Variants in FAM171A1 observed in about 807,000 individuals in gnomAD.
FAM171A1 encodes family with sequence similarity 171 member A1.
FAM171A1 carries 23 observed loss-of-function variants against 74.9 expected under a neutral mutation model. That is an observed-to-expected ratio of 0.31 (90% CI 0.22 to 0.44). FAM171A1 has a LOEUF of 0.44. Ranked by LOEUF, FAM171A1 falls within the 20% of genes least tolerant of loss-of-function variation. The pLI, the probability that FAM171A1 is intolerant of heterozygous loss-of-function variation, is 1.00. For synonymous variants in FAM171A1, 527 were observed against 505.7 expected (o/e 1.04, Z -0.57); for missense variants, 1,162 against 1,159.2 (o/e 1.00, Z -0.03).
At chr10:15,244,132 T>A (rs996247482) in intron 5 of FAM171A1, among the ~76,000 whole-genome samples, 4 of 152,116 alleles carry the variant, frequency 2.6e-5, no homozygotes, top group Non-Finnish European at 2.9e-5. Context: ...GGTGGGTGGA[T>A]CACTTGAGCT....
intron 1 of FAM171A1, among the ~76,000 whole-genome samples, chr10:15,333,400 T>C (rs375851881): frequency 4.0e-4 from 61 of 152,258 alleles, no homozygotes; most frequent in African/African-American, 1.5e-3. Context: ...CCTGGGAGGC[T>C]AGGACAGGAG....
At chr10:15,245,342 C>T (rs1028052540) in intron 5 of FAM171A1, among the ~76,000 whole-genome samples, 1 of 152,210 alleles carries the variant, frequency 6.6e-6, no homozygotes, top group African/African-American at 2.4e-5. Context: ...GCTGGTATTA[C>T]AGGCATGAGC....
intron 4 of FAM171A1, among the ~76,000 whole-genome samples, chr10:15,252,374 T>C (rs868516780): frequency 3.3e-5 from 5 of 152,188 alleles, no homozygotes; most frequent in African/African-American, 1.2e-4. Context: ...CCACCTTCAC[T>C]GAACTCTGGT....
At chr10:15,245,032 G>A (rs1281214324) in intron 5 of FAM171A1, among the ~76,000 whole-genome samples, 1 of 151,836 alleles carries the variant, frequency 6.6e-6, no homozygotes, top group African/African-American at 2.4e-5. Flanking sequence ...GAGATAAACT[G>A]TTCAGCCAGT....
chr10:15,370,292 T>C (rs1027339191), intron 1 of FAM171A1, among the ~76,000 whole-genome samples: 3 of 151,254 alleles, frequency 2.0e-5, no homozygotes, highest in Non-Finnish European at 4.4e-5. Context: ...AGTTCAATTC[T>C]TTCTTCCCTT....
At chr10:15,269,750 G>A (rs1347088405) in intron 3 of FAM171A1, among the ~76,000 whole-genome samples, 2 of 152,148 alleles carry the variant, frequency 1.3e-5, no homozygotes. Context: ...GAGAGGAAAG[G>A]GATGGTGGCA....
chr10:15,367,068 G>A (rs561768976), intron 1 of FAM171A1, among the ~76,000 whole-genome samples: 81 of 152,092 alleles, frequency 5.3e-4, no homozygotes, highest in Non-Finnish European at 9.6e-4. Context: ...GCGTGGTGGC[G>A]GGCACCTGTA....
At chr10:15,296,598 C>T (rs1835163680) in intron 1 of FAM171A1, among the ~76,000 whole-genome samples, 1 of 152,200 alleles carries the variant, frequency 6.6e-6, no homozygotes, top group African/African-American at 2.4e-5. Flanking sequence ...GAGACGAATA[C>T]GCTGGGCACT....
At chr10:15,357,697 G>C (rs10906895) in intron 1 of FAM171A1, among the ~76,000 whole-genome samples, 49,749 of 152,106 alleles carry the variant, frequency 0.33, 10,130 homozygotes, top group East Asian at 0.67. Context: ...GGGCACTGAT[G>C]CCTGAGACAC....
intron 5 of FAM171A1, among the ~76,000 whole-genome samples, chr10:15,235,068 G>A (rs1439801327): frequency 2.0e-5 from 3 of 152,096 alleles, no homozygotes; most frequent in Non-Finnish European, 4.4e-5. Flanking sequence ...TCTGCACTTT[G>A]GGAGGTCCAG....
At chr10:15,368,463 C>T (rs891560339) in intron 1 of FAM171A1, among the ~76,000 whole-genome samples, 8 of 152,148 alleles carry the variant, frequency 5.3e-5, no homozygotes, top group African/African-American at 7.2e-5. Flanking sequence ...CCTGTTGGTG[C>T]ATAATATGTA....
intron 1 of FAM171A1, among the ~76,000 whole-genome samples, chr10:15,296,666 T>C (rs1360449704): frequency 6.6e-6 from 1 of 152,212 alleles, no homozygotes; most frequent in Non-Finnish European, 1.5e-5. Flanking sequence ...CACTCTTGAT[T>C]GTACCAAGAG....
intron 1 of FAM171A1, among the ~76,000 whole-genome samples, chr10:15,344,218 C>A (rs1281688069): frequency 6.6e-6 from 1 of 152,122 alleles, no homozygotes; most frequent in Non-Finnish European, 1.5e-5. Context: ...GGAGCTTCCA[C>A]CAAAGAGTAG....
chr10:15,299,010 T>A (rs1425219727), intron 1 of FAM171A1, among the ~76,000 whole-genome samples: 1 of 152,168 alleles, frequency 6.6e-6, no homozygotes, highest in Admixed American at 6.5e-5. Flanking sequence ...AACCTCTACC[T>A]CCCAGGTTCA....
intron 1 of FAM171A1, among the ~76,000 whole-genome samples, chr10:15,347,790 G>A (rs1027242414): frequency 6.7e-5 from 9 of 133,620 alleles, no homozygotes; most frequent in Non-Finnish European, 1.1e-4. Context: ...AGCCGAGATC[G>A]CACCACTGCA....
chr10:15,361,165 A>G (rs1413792257), intron 1 of FAM171A1, among the ~76,000 whole-genome samples: 1 of 152,238 alleles, frequency 6.6e-6, no homozygotes, highest in East Asian at 1.9e-4. Context: ...AATGTTACTT[A>G]TAATAAAATG....
At chr10:15,260,069 T>G (rs773424171) in intron 3 of FAM171A1, among the ~76,000 whole-genome samples, 14 of 152,140 alleles carry the variant, frequency 9.2e-5, no homozygotes, top group Non-Finnish European at 5.9e-5. Flanking sequence ...TCAAGTCATC[T>G]GCCCTCCACA....
At chr10:15,259,373 T>C (rs1041501217) in intron 3 of FAM171A1, among the ~76,000 whole-genome samples, 2 of 152,144 alleles carry the variant, frequency 1.3e-5, no homozygotes, top group Admixed American at 6.5e-5. Context: ...TGTTCAAAGA[T>C]ACTACTCTAA....
chr10:15,339,117 C>A (rs1440816992), intron 1 of FAM171A1, among the ~76,000 whole-genome samples: 1 of 152,120 alleles, frequency 6.6e-6, no homozygotes, highest in African/African-American at 2.4e-5. Context: ...AATATCCACA[C>A]CTGGCAGATA....
Sources: gnomAD v4.1 joint callset for allele counts (sites outside exome capture counted in the v4.1 genomes callset) on GRCh38, gnomAD v4.1.1 for gene constraint, MANE v1.5 for transcripts, NCBI Gene and HGNC (gene_info 2026-07-23, HGNC 2026-07-21) for gene names.